KCNQ3: variants seen among roughly 807,000 people sequenced by gnomAD.
KCNQ3 encodes potassium voltage-gated channel subfamily KQT member 3.
In KCNQ3, 30 loss-of-function variants were observed where a neutral mutation model predicts 92.5. The observed-to-expected ratio is 0.32, with a 90% CI of 0.24 to 0.44. The LOEUF (loss-of-function observed/expected upper bound fraction) is 0.44, where lower values mean the gene tolerates loss of function less well. Ranked by LOEUF, KCNQ3 falls within the 20% of genes least tolerant of loss-of-function variation. KCNQ3 has a pLI of 1.00. For missense variants in KCNQ3, 913 were observed against 1,140.3 expected, an observed-to-expected ratio of 0.80 and a Z score of 2.87; for synonymous variants, 450 against 468.8, an observed-to-expected ratio of 0.96 and a Z score of 0.52.
chr8:132,345,333 C>G (rs767855354), intron 1 of KCNQ3, among the ~76,000 whole-genome samples: 1 of 152,112 alleles, frequency 6.6e-6, no homozygotes, highest in African/African-American at 2.4e-5. Context: ...ACATTTGGAA[C>G]CTTGAAAAGA....
chr8:132,186,826 C>T (rs981240922), intron 1 of KCNQ3, among the ~76,000 whole-genome samples: 53 of 152,042 alleles, frequency 3.5e-4, no homozygotes, highest in Admixed American at 3.5e-3. Flanking sequence ...ACAGAGAGGT[C>T]ACCTGGTTCA....
At chr8:132,351,885 C>T (rs1286462539) in intron 1 of KCNQ3, among the ~76,000 whole-genome samples, 2 of 152,178 alleles carry the variant, frequency 1.3e-5, no homozygotes, top group Non-Finnish European at 2.9e-5. Context: ...GTGGGCAAAT[C>T]GCTTCTGCTC....
At chr8:132,293,288 G>T (rs1816912844) in intron 1 of KCNQ3, among the ~76,000 whole-genome samples, 2 of 152,200 alleles carry the variant, frequency 1.3e-5, no homozygotes, top group Admixed American at 6.5e-5. Flanking sequence ...TTGGTCAGAA[G>T]TTCTAGAGGT....
chr8:132,233,150 A>G (rs572917836), intron 1 of KCNQ3, among the ~76,000 whole-genome samples: 1 of 152,334 alleles, frequency 6.6e-6, no homozygotes, highest in South Asian at 2.1e-4. Flanking sequence ...CTTCCTAATT[A>G]GGACATTTCC....
intron 1 of KCNQ3, among the ~76,000 whole-genome samples, chr8:132,455,553 AT>A (rs1247608834): frequency 6.6e-6 from 1 of 152,148 alleles, no homozygotes; most frequent in Non-Finnish European, 1.5e-5. Context: ...TTCAGTTGGC[AT>A]TTTTTGAGCT....
At chr8:132,140,740 C>T (rs1387120866) in intron 10 of KCNQ3, 2 of 298,814 alleles carry the variant, frequency 6.7e-6, no homozygotes, top group East Asian at 1.7e-4. Flanking sequence ...GCTCCTACAG[C>T]CTCCAGAGGG....
chr8:132,281,709 C>T (rs1410335718), intron 1 of KCNQ3, among the ~76,000 whole-genome samples: 1 of 151,592 alleles, frequency 6.6e-6, no homozygotes, highest in Non-Finnish European at 1.5e-5. Flanking sequence ...GGCACCCCCA[C>T]ACCCCAACCA....
intron 1 of KCNQ3, among the ~76,000 whole-genome samples, chr8:132,426,954 C>T (rs1279579876): frequency 1.3e-5 from 2 of 152,138 alleles, no homozygotes; most frequent in African/African-American, 2.4e-5. Flanking sequence ...TTATTATTAA[C>T]TAGTGGACAG....
At chr8:132,430,958 G>C (rs1821234394) in intron 1 of KCNQ3, among the ~76,000 whole-genome samples, 1 of 152,064 alleles carries the variant, frequency 6.6e-6, no homozygotes, top group Non-Finnish European at 1.5e-5. Context: ...TGCCAACCTG[G>C]GGGTTCACTC....
intron 3 of KCNQ3, 40 bp downstream of exon 3, chr8:132,184,201 G>A: frequency 6.2e-7 from 1 of 1,613,578 alleles, no homozygotes; most frequent in Non-Finnish European, 8.5e-7. Context: ...CCCAAAAGAA[G>A]GGAACTGAGG....
At chr8:132,187,957 A>ATGATGTTGCTGGTGGTAGTGCTGG (rs1247705388) in intron 1 of KCNQ3, among the ~76,000 whole-genome samples, 54 of 151,804 alleles carry the variant, frequency 3.6e-4, no homozygotes, top group African/African-American at 1.3e-3. Flanking sequence ...GGTGGTTGTG[A>ATGATGTTGCTGGTGGTAGTGCTGG]TGATGGTAAC....
chr8:132,160,898 G>A lies in KCNQ3; in HGVS notation c.1262+2570C>T, dbSNP rs527752771. ...AAAGTATATATGCTTTATTAGGGAA[G>A]TTCTGAGTCCTACCTCAGGGCATCA... is the stretch of plus-strand genomic sequence containing the variant. On this transcript the variant is annotated intron_variant, in intron 9 of 14. Transcript: ENST00000388996. 4.1e-4 allele frequency among the ~76,000 whole-genome samples: 62 copies of A among 152,272 alleles called. No homozygotes were observed. The South Asian group carries it at 5.4e-3, about 13-fold the overall frequency.
chr8:132,262,068 A>T (rs891550792), intron 1 of KCNQ3, among the ~76,000 whole-genome samples: 3 of 152,238 alleles, frequency 2.0e-5, no homozygotes, highest in Non-Finnish European at 4.4e-5. Flanking sequence ...ATGTGGATGA[A>T]CTTTGAAAAC....
At chr8:132,178,548 A>G (rs1826645176) in intron 4 of KCNQ3, among the ~76,000 whole-genome samples, 1 of 152,118 alleles carries the variant, frequency 6.6e-6, no homozygotes, top group Non-Finnish European at 1.5e-5. Flanking sequence ...TCACATTTTT[A>G]CCATTGAGGA....
intron 9 of KCNQ3, among the ~76,000 whole-genome samples, chr8:132,151,064 G>C (rs761166803): frequency 6.6e-6 from 1 of 152,200 alleles, no homozygotes; most frequent in African/African-American, 2.4e-5. Flanking sequence ...TCAGATCCTA[G>C]GTTGGCTAAA....
At chr8:132,256,637 A>G (rs1030027817) in intron 1 of KCNQ3, among the ~76,000 whole-genome samples, 11 of 152,234 alleles carry the variant, frequency 7.2e-5, no homozygotes, top group Admixed American at 2.6e-4. Flanking sequence ...GTGGTCCTCA[A>G]TAAGATTAAC....
chr8:132,292,932 A>C (rs1336923904), intron 1 of KCNQ3, among the ~76,000 whole-genome samples: 2 of 152,192 alleles, frequency 1.3e-5, no homozygotes, highest in African/African-American at 4.8e-5. Context: ...TGAATGGACA[A>C]GCCTTGCTGG....
At chr8:132,132,728 GA>G (rs1824925207) in intron 13 of KCNQ3, among the ~76,000 whole-genome samples, 1 of 152,146 alleles carries the variant, frequency 6.6e-6, no homozygotes, top group Non-Finnish European at 1.5e-5. Context: ...ATTTTAATAA[GA>G]ATGAAGAATC....
At chr8:132,235,298 T>A (rs1461223932) in intron 1 of KCNQ3, among the ~76,000 whole-genome samples, 1 of 151,914 alleles carries the variant, frequency 6.6e-6, no homozygotes, top group Non-Finnish European at 1.5e-5. Context: ...AGGTCAGGAG[T>A]TCGAGACCAG....
Sources: allele counts gnomAD v4.1 joint callset (sites outside exome capture counted in the v4.1 genomes callset), GRCh38; gene constraint gnomAD v4.1.1; transcripts MANE v1.5; gene names NCBI Gene and HGNC (gene_info 2026-07-23, HGNC 2026-07-21).